Variants in CCDC90B observed in about 807,000 individuals in gnomAD.
The protein encoded by CCDC90B is coiled-coil domain containing 90B.
CCDC90B carries 24 observed loss-of-function variants against 37.0 expected under a neutral mutation model. The observed-to-expected ratio is 0.65, with a 90% confidence interval of 0.47 to 0.91. The LOEUF (loss-of-function observed/expected upper bound fraction) is 0.91. CCDC90B is among the 40% of genes least tolerant of loss of function. The pLI is 0.00. For synonymous variants in CCDC90B, 113 were observed against 101.1 expected, an observed-to-expected ratio of 1.12 and a Z score of -0.71; for missense variants, 319 against 299.0, an observed-to-expected ratio of 1.07 and a Z score of -0.49.
intron 7 of CCDC90B, 51 bp from the exon 8 acceptor site, chr11:83,266,030 G>T: frequency 1.1e-6 from 1 of 933,862 alleles, no homozygotes; most frequent in Non-Finnish European, 1.7e-6. Context: ...TGTATTAAAT[G>T]GACAAAAGCA....
chr11:83,269,797 A>C (rs1864539879), intron 7 of CCDC90B, among the ~76,000 whole-genome samples: 1 of 152,204 alleles, frequency 6.6e-6, no homozygotes, highest in Non-Finnish European at 1.5e-5. Context: ...ATCTTCCCTA[A>C]CTCATTTTAT....
chr11:83,275,364 T>C (rs1401106941), intron 3 of CCDC90B, among the ~76,000 whole-genome samples: 1 of 152,140 alleles, frequency 6.6e-6, no homozygotes, highest in East Asian at 1.9e-4. Context: ...AAAGAAAATA[T>C]AACTGTTACA....
At chr11:83,269,467 T>TA (rs1444586564) in intron 7 of CCDC90B, among the ~76,000 whole-genome samples, 3 of 151,936 alleles carry the variant, frequency 2.0e-5, no homozygotes, top group Non-Finnish European at 2.9e-5. Flanking sequence ...CAAAAAATGA[T>TA]AAAGGGGATA....
chr11:83,284,471 C>T (rs1006923518), intron 1 of CCDC90B, among the ~76,000 whole-genome samples: 4 of 152,222 alleles, frequency 2.6e-5, no homozygotes, highest in Admixed American at 2.6e-4. Flanking sequence ...GCATTAACAG[C>T]ATATATTCTT....
intron 8 of CCDC90B, among the ~76,000 whole-genome samples, chr11:83,263,068 G>C (rs1435591282): frequency 6.6e-6 from 1 of 152,110 alleles, no homozygotes; most frequent in African/African-American, 2.4e-5. Flanking sequence ...AAGACTAAGT[G>C]TACTTGACTC....
At chr11:83,267,619 A>C (rs1452680128) in intron 7 of CCDC90B, 1 of 152,254 alleles carries the variant, frequency 6.6e-6, no homozygotes, top group East Asian at 1.9e-4. Context: ...ACTATGTGAA[A>C]AGATCAAATC....
At chr11:83,269,492 A>C (rs1864516412) in intron 7 of CCDC90B, among the ~76,000 whole-genome samples, 1 of 152,246 alleles carries the variant, frequency 6.6e-6, no homozygotes, top group Non-Finnish European at 1.5e-5. Context: ...CACCGATCCC[A>C]CAGATATAGA....
chr11:83,267,459 C>T (rs568731974), intron 7 of CCDC90B: 3 of 152,266 alleles, frequency 2.0e-5, no homozygotes, highest in South Asian at 2.1e-4. Context: ...ACGAGAACTT[C>T]GTGATGCATG....
At chr11:83,274,544 G>A in intron 4 of CCDC90B, 95 bp downstream of exon 4, 1 of 657,836 alleles carries the variant, frequency 1.5e-6, no homozygotes, top group Non-Finnish European at 2.5e-6. Context: ...CTAACCACAT[G>A]GAATTATTAC....
In CCDC90B at chr11:83,265,892, T is replaced by C; in HGVS notation, c.682A>G (p.Lys228Glu). 2 of 1,608,028 alleles carry C rather than the reference T, an allele frequency of 1.2e-6. No individual in the cohort carries two copies. Among genetic ancestry groups the C allele is most frequent in the Non-Finnish European group, 8.5e-7 (1 of 1,176,410 alleles). ...GCAAGATAACGAATTGTCTCAAGTT[T>C]GTTAGATTCCATCAGTGTTTTTAAG... ...ASLKTLMESNKLETIRYLAAS... is the reference protein window; with the variant it reads ...ASLKTLMESNELETIRYLAAS... Residue 228 changes from lysine to glutamate, a missense_variant, in exon 8 of 9, where the codon AAA (lysine) becomes GAA (glutamate). Lys to Glu is a moderately conservative substitution (Grantham distance 56). Coordinates refer to ENST00000529689, the MANE Select transcript of CCDC90B (RefSeq NM_021825.5).
At chr11:83,262,468 G>A (rs936187095) in intron 8 of CCDC90B, among the ~76,000 whole-genome samples, 19 of 152,114 alleles carry the variant, frequency 1.2e-4, no homozygotes, top group African/African-American at 3.9e-4. Context: ...GGCAGAAAAA[G>A]CATTAGGTTT....
chr11:83,275,882 T>C (rs1190908336), intron 3 of CCDC90B, among the ~76,000 whole-genome samples: 1 of 152,160 alleles, frequency 6.6e-6, no homozygotes, highest in African/African-American at 2.4e-5. Flanking sequence ...GTTTTGAGGA[T>C]TAAATGAGAT....
chr11:83,276,077 A>G (rs1268590002), intron 3 of CCDC90B, among the ~76,000 whole-genome samples: 1 of 152,286 alleles, frequency 6.6e-6, no homozygotes, highest in East Asian at 1.9e-4. Flanking sequence ...TACAACAGAC[A>G]TTGCTGACTC....
At chr11:83,269,996 T>G (rs1864554306) in intron 7 of CCDC90B, among the ~76,000 whole-genome samples, 1 of 152,208 alleles carries the variant, frequency 6.6e-6, no homozygotes, top group Non-Finnish European at 1.5e-5. Context: ...CAAAGCTGGT[T>G]CAGTATACAC....
rs760679985 is a variant in CCDC90B at position 83,285,986 on chromosome 11, T to G, written c.-14A>C. On this transcript the variant is annotated 5_prime_UTR_variant, in exon 1 of 9. Coordinates refer to ENST00000529689, the MANE Select transcript of CCDC90B (RefSeq NM_021825.5). ...GCGACTATTCATGTCCTCAGAGTTT[T>G]CCGGTGGGAGGGAGGCGGAAGACGG... 13 of 1,604,500 alleles carry G rather than the reference T, an allele frequency of 8.1e-6. 1 individual carries two copies. In the South Asian group the frequency reaches 1.5e-4, roughly 18 times the overall value.
chr11:83,266,612 TG>T lies in CCDC90B; in HGVS notation c.595-634del, dbSNP rs150628554. Among the ~76,000 whole-genome samples, 1,025 of 152,314 alleles carry T rather than the reference TG, an allele frequency of 6.7e-3. 14 individuals carry two copies. Among genetic ancestry groups the T allele is most frequent in the African/African-American group, 0.023 (974 of 41,568 alleles). On this transcript the variant is annotated intron_variant, in intron 7 of 8. Coordinates refer to ENST00000529689, the MANE Select transcript of CCDC90B (RefSeq NM_021825.5). ...AACAAAGTGGCAGGGGAGCTTGAACTGGGCTGAGCCCACCACAGCACAACAA... is the reference window on the plus strand; with the variant it reads ...AACAAAGTGGCAGGGGAGCTTGAACTGGCTGAGCCCACCACAGCACAACAA...
intron 7 of CCDC90B, among the ~76,000 whole-genome samples, chr11:83,268,447 G>A (rs1477999532): frequency 6.6e-6 from 1 of 151,508 alleles, no homozygotes; most frequent in Admixed American, 6.6e-5. Flanking sequence ...AAAAAAGCAG[G>A]GGTTGCAATC....
At chr11:83,283,377 C>T (rs943795972) in intron 1 of CCDC90B, among the ~76,000 whole-genome samples, 9 of 152,182 alleles carry the variant, frequency 5.9e-5, no homozygotes, top group Admixed American at 5.2e-4. Flanking sequence ...CATGGGCTGC[C>T]TTTGCTATTC....
rs1425116434 is a variant in CCDC90B at position 83,284,221 on chromosome 11, C to T, written c.100+1652G>A. On this transcript the variant is annotated intron_variant, in intron 1 of 8. Coordinates refer to ENST00000529689, the MANE Select transcript of CCDC90B (RefSeq NM_021825.5). Reference sequence around the variant, plus strand: ...AAACTCAAGAGTTTAAAGGTTTAACCAGTTTCACAAAACTACTAAGTCATA... The same window carrying T: ...AAACTCAAGAGTTTAAAGGTTTAACTAGTTTCACAAAACTACTAAGTCATA... Among the ~76,000 whole-genome samples the T allele has an allele frequency of 2.0e-5, 3 of 152,138 alleles. No individual in the cohort carries two copies. In the East Asian group the frequency reaches 5.8e-4, roughly 29 times the overall value.
Sources: gnomAD v4.1 joint callset for allele counts (sites outside exome capture counted in the v4.1 genomes callset) on GRCh38, gnomAD v4.1.1 for gene constraint, MANE v1.5 for transcripts, NCBI Gene and HGNC (gene_info 2026-07-23, HGNC 2026-07-21) for gene names.